MYT1L: variants seen among roughly 807,000 people sequenced by gnomAD.
MYT1L encodes the protein myelin transcription factor 1-like protein.
In MYT1L, 12 loss-of-function variants were observed where a neutral mutation model predicts 126.7. The ratio of observed to expected loss-of-function variants is 0.09; its 90% CI spans 0.06 to 0.15. The LOEUF (loss-of-function observed/expected upper bound fraction) is 0.15, where lower values mean the gene tolerates loss of function less well. Ranked by LOEUF, MYT1L falls within the 10% of genes least tolerant of loss-of-function variation. The probability of loss-of-function intolerance (pLI) is 1.00; values close to 1 mark genes in which losing one functional copy is unlikely to be tolerated. For synonymous variants in MYT1L, 541 were observed against 604.2 expected (o/e 0.90, Z 1.53); for missense variants, 979 against 1,585.2 (o/e 0.62, Z 6.49).
In MYT1L at chr2:2,236,786, TCTTCTTCTTCTTCTTCTTCTTCTTCTTC is replaced by T. The variant is rs1227910916; in HGVS notation, c.-421+47590_-421+47617del. On this transcript the variant is annotated intron_variant, in intron 2 of 24. Transcript: ENST00000647738. ...TTCTTCTTCTTCTTCTTCTTCTTCT[TCTTCTTCTTCTTCTTCTTCTTCTTCTTC>T]TTTTTTTTTTTTTTTTTTGATGGAG... is the stretch of plus-strand genomic sequence containing the variant. 6.7e-3 allele frequency among the ~76,000 whole-genome samples: 118 copies of T among 17,696 alleles called. 1 individual carries two copies. Among genetic ancestry groups the T allele is most frequent in the African/African-American group, 0.047 (97 of 2,072 alleles). 11.6% of individuals were successfully genotyped at this position (17,696 alleles called of 152,430 possible).
At chr2:2,306,254 G>T (rs2095857192) in intron 1 of MYT1L, 1 of 152,134 alleles carries the variant, frequency 6.6e-6, no homozygotes, top group Admixed American at 6.6e-5. Flanking sequence ...TGAATAAGCT[G>T]CAGGAGTTTG....
intron 4 of MYT1L, among the ~76,000 whole-genome samples, chr2:2,041,152 G>C (rs2067483927): frequency 6.6e-6 from 1 of 152,112 alleles, no homozygotes; most frequent in Non-Finnish European, 1.5e-5. Context: ...TAATAATTTT[G>C]CTTGAGGTAA....
rs950534355 is a variant in MYT1L, at chr2:2,059,373, G to A, written c.-303-5250C>T. Among the ~76,000 whole-genome samples the A allele has an allele frequency of 3.3e-5, 5 of 152,140 alleles. No individual in the cohort carries two copies. The highest frequency in any genetic ancestry group is 3.3e-4 in the Admixed American group (5 of 15,278). On this transcript the variant is annotated intron_variant, in intron 3 of 24. Transcript: ENST00000647738. The surrounding 1 kb of genome is among the most constrained non-coding windows in gnomAD (Gnocchi z 4.7). ...CAGGGCACCGCAGTAAGCACCCGAC[G>A]GTCTCGTGGCACCATAGTAAGCACC...
chr2:2,303,918 T>G (rs1361299332), intron 1 of MYT1L: 1 of 152,208 alleles, frequency 6.6e-6, no homozygotes, highest in Non-Finnish European at 1.5e-5. Flanking sequence ...CACATCGAAG[T>G]GTCCTGACTT....
chr2:2,222,575 T>C (rs2093908325), intron 2 of MYT1L, among the ~76,000 whole-genome samples: 1 of 152,166 alleles, frequency 6.6e-6, no homozygotes, highest in Non-Finnish European at 1.5e-5. Context: ...GAGTTAAGTG[T>C]TTTTAAATAT....
At chr2:2,253,256 C>T (rs1222891450) in intron 2 of MYT1L, among the ~76,000 whole-genome samples, 3 of 152,386 alleles carry the variant, frequency 2.0e-5, no homozygotes, top group East Asian at 3.9e-4. Flanking sequence ...TGCTGCCCCC[C>T]TCGCAGGAGC....
rs964993548 is a variant in MYT1L at position 2,247,757 on chromosome 2, T to C, written c.-421+36647A>G. 7.2e-5 allele frequency among the ~76,000 whole-genome samples: 11 copies of C among 152,222 alleles called. No homozygotes were observed. The East Asian group carries it at 1.5e-3, about 21-fold the overall frequency. On this transcript the variant is annotated intron_variant, in intron 2 of 24. Coordinates refer to ENST00000647738, the MANE Select transcript of MYT1L (RefSeq NM_001303052.2). ...AATTTCCATGAATTTTACAAATACA[T>C]AGAAATTAAACAGCATGTTCCTGAA... is the stretch of plus-strand genomic sequence containing the variant.
At chr2:2,144,604 A>T (rs2084585843) in intron 3 of MYT1L, among the ~76,000 whole-genome samples, 1 of 152,190 alleles carries the variant, frequency 6.6e-6, no homozygotes, top group Non-Finnish European at 1.5e-5. Context: ...TAGGTGCTGG[A>T]TCCAAAGGAA....
chr2:1,972,024 G>A (rs1408603444), intron 8 of MYT1L, among the ~76,000 whole-genome samples: 2 of 152,158 alleles, frequency 1.3e-5, no homozygotes, highest in African/African-American at 2.4e-5. Flanking sequence ...GTACAAGGAC[G>A]GGCGTGCATA....
intron 8 of MYT1L, among the ~76,000 whole-genome samples, chr2:1,961,148 T>C (rs1402154630): frequency 1.3e-5 from 2 of 152,208 alleles, no homozygotes; most frequent in Non-Finnish European, 2.9e-5. Context: ...CTGTATGTGA[T>C]TCCCTACCAA....
chr2:2,080,066 T>C (rs1469060716), intron 3 of MYT1L, among the ~76,000 whole-genome samples: 9 of 152,158 alleles, frequency 5.9e-5, no homozygotes, highest in East Asian at 3.9e-4. Flanking sequence ...AACAATTTAA[T>C]GGGGGAAATC....
At chr2:2,015,321 C>T (rs772301658) in intron 4 of MYT1L, among the ~76,000 whole-genome samples, 28 of 152,302 alleles carry the variant, frequency 1.8e-4, no homozygotes, top group Non-Finnish European at 3.2e-4. Context: ...TCACCAGCAG[C>T]GTCCTTATCA....
intron 3 of MYT1L, among the ~76,000 whole-genome samples, chr2:2,114,463 A>G (rs2112110): frequency 0.02 from 3,041 of 152,220 alleles, 92 homozygotes; most frequent in African/African-American, 0.066. Context: ...GTCCCCTTAT[A>G]ATCGCCCAGT....
intron 3 of MYT1L, among the ~76,000 whole-genome samples, chr2:2,076,588 T>C (rs922975082): frequency 2.0e-5 from 3 of 151,968 alleles, no homozygotes; most frequent in African/African-American, 7.3e-5. Context: ...AACCAAACAA[T>C]GCACAATACT....
chr2:1,813,081 C>G (rs1002405018), intron 21 of MYT1L, among the ~76,000 whole-genome samples: 7 of 152,142 alleles, frequency 4.6e-5, no homozygotes, highest in African/African-American at 1.7e-4. Flanking sequence ...CATCTTTCCC[C>G]CGCTGAACCT....
intron 8 of MYT1L, among the ~76,000 whole-genome samples, chr2:1,953,359 G>A (rs139178317): frequency 9.8e-4 from 149 of 152,286 alleles, no homozygotes; most frequent in African/African-American, 3.4e-3. Flanking sequence ...CACAACTGTT[G>A]CCCATTTTCC....
chr2:2,121,562 C>T (rs2081018545), intron 3 of MYT1L, among the ~76,000 whole-genome samples: 1 of 151,872 alleles, frequency 6.6e-6, no homozygotes, highest in Non-Finnish European at 1.5e-5. Context: ...TCTTGGCTCA[C>T]TGCAACCTCC....
At chr2:2,139,902 A>G (rs2083689832) in intron 3 of MYT1L, among the ~76,000 whole-genome samples, 1 of 152,190 alleles carries the variant, frequency 6.6e-6, no homozygotes, top group Non-Finnish European at 1.5e-5. Flanking sequence ...ATGTTGGTTT[A>G]TTCTTGTTTG....
rs148105650 is a variant in MYT1L, at chr2:2,195,556, A to C, written c.-420-22568T>G. Among the ~76,000 whole-genome samples the C allele has an allele frequency of 3.9e-5, 6 of 152,344 alleles. No homozygotes were observed. In the East Asian group the frequency reaches 9.6e-4, roughly 24 times the overall value. On this transcript the variant is annotated intron_variant, in intron 2 of 24. Coordinates refer to ENST00000647738, the MANE Select transcript of MYT1L (RefSeq NM_001303052.2). ...GAAATTCAAGCAAAATGAAACAAGG[A>C]GTATGACATGATAGATTTGACCAAA...
Sources: allele counts gnomAD v4.1 joint callset (sites outside exome capture counted in the v4.1 genomes callset), GRCh38; gene constraint gnomAD v4.1.1; non-coding constraint Gnocchi (gnomAD v3.1); transcripts MANE v1.5; gene names NCBI Gene and HGNC (gene_info 2026-07-23, HGNC 2026-07-21).